C1QTNF2: variants seen among roughly 807,000 people sequenced by gnomAD.
The protein encoded by C1QTNF2 is C1q and TNF related 2.
In C1QTNF2, 15 loss-of-function variants were observed where a neutral mutation model predicts 17.4. The ratio of observed to expected loss-of-function variants is 0.86; its 90% confidence interval spans 0.58 to 1.33. The LOEUF (loss-of-function observed/expected upper bound fraction) is 1.33. Among genes scored for constraint, C1QTNF2 ranks in the 40% most tolerant of loss-of-function variants. The probability of loss-of-function intolerance (pLI) is 0.00; values close to 1 mark genes in which losing one functional copy is unlikely to be tolerated. For missense variants in C1QTNF2, 381 were observed against 392.3 expected (o/e 0.97, Z 0.24); for synonymous variants, 154 against 163.3 (o/e 0.94, Z 0.44).
At chr5:160,354,598 G>GTATGTATATATATATA (rs1763997628) in intron 2 of C1QTNF2, among the ~76,000 whole-genome samples, 170 bp downstream of exon 2, 1 of 30,886 alleles carries the variant, frequency 3.2e-5, no homozygotes, top group African/African-American at 1.2e-4. Context: ...AAAAAAAAAA[G>GTATGTATATATATATA]TATATATATA....
intron 1 of C1QTNF2, 83 bp downstream of exon 1, chr5:160,370,429 C>T: frequency 7.4e-7 from 1 of 1,352,498 alleles, no homozygotes; most frequent in Non-Finnish European, 9.5e-7. Flanking sequence ...CATCCCGCCC[C>T]GCCCGCAGCA....
At position 160,349,792 on chromosome 5, in the gene C1QTNF2, G is replaced by A; in HGVS notation, c.245-11C>T. The A allele has an allele frequency of 1.2e-5, 18 of 1,515,972 alleles. No individual in the cohort carries two copies. Among genetic ancestry groups the A allele is most frequent in the Non-Finnish European group, 1.6e-5 (18 of 1,143,320 alleles). The allele number at this position is 1,515,972 out of a possible 1,614,324, so 93.9% of individuals were successfully genotyped here. On this transcript the variant is annotated splice_polypyrimidine_tract_variant and intron_variant, in intron 2 of 2. Transcript: ENST00000652664. This position sits in a 1 kb window ranked among gnomAD's most constrained non-coding sequence, Gnocchi z 4.3. ...TCCGGCCAGGTGGACCTGGAAGACA[G>A]AGCAGCTGGTGTTATGGAGGGTCCT...
intron 1 of C1QTNF2, among the ~76,000 whole-genome samples, chr5:160,366,643 G>T (rs1348674822): frequency 6.6e-6 from 1 of 152,212 alleles, no homozygotes; most frequent in African/African-American, 2.4e-5. Flanking sequence ...AGAGGTACAG[G>T]ATTTCTACAG....
intron 1 of C1QTNF2, among the ~76,000 whole-genome samples, chr5:160,366,436 A>T (rs1764249052): frequency 6.6e-6 from 1 of 152,152 alleles, no homozygotes; most frequent in African/African-American, 2.4e-5. Context: ...ATGTCATGGG[A>T]GAAGGTTGCC....
intron 1 of C1QTNF2, among the ~76,000 whole-genome samples, chr5:160,357,907 G>C (rs975780373): frequency 6.6e-6 from 1 of 152,248 alleles, no homozygotes; most frequent in Admixed American, 6.5e-5. Context: ...GGACGAGAGA[G>C]AGGGAGAGAA....
At chr5:160,359,514 C>G (rs1283645126) in intron 1 of C1QTNF2, among the ~76,000 whole-genome samples, 1 of 152,218 alleles carries the variant, frequency 6.6e-6, no homozygotes, top group Non-Finnish European at 1.5e-5. Flanking sequence ...CCACACACAG[C>G]CATAGAGAAA....
rs375902344 is a variant in C1QTNF2 at position 160,354,799 on chromosome 5, G to A, written c.213C>T (p.His71=). The A allele has an allele frequency of 3.7e-4, 605 of 1,613,578 alleles. 9 individuals are homozygous for A. In the South Asian group the frequency reaches 6.2e-3, roughly 17 times the overall value. Residue 71 remains histidine (H), a synonymous_variant, in exon 2 of 3, where the codon CAC becomes CAT. Coordinates refer to ENST00000652664, the MANE Select transcript of C1QTNF2 (RefSeq NM_031908.6). Reference sequence around the variant, plus strand: ...CTCCGCTGTCCCCCCGGTCGCCGTCGTGTCCATCTTGGCCGTCTTTGCCAG... The same window carrying A: ...CTCCGCTGTCCCCCCGGTCGCCGTCATGTCCATCTTGGCCGTCTTTGCCAG... ...GFPGKDGQDG[H]DGDRGDSGEE... is the part of the protein sequence containing the mutation.
chr5:160,350,093 C>T (rs1187846459), intron 2 of C1QTNF2, among the ~76,000 whole-genome samples: 1 of 152,186 alleles, frequency 6.6e-6, no homozygotes, highest in African/African-American at 2.4e-5. Context: ...CTTCCATGGG[C>T]TGCGCTGGTA....
chr5:160,351,569 CT>C (rs1252332236), intron 2 of C1QTNF2, among the ~76,000 whole-genome samples: 1 of 151,978 alleles, frequency 6.6e-6, no homozygotes, highest in Non-Finnish European at 1.5e-5. Context: ...GAACAGAGTG[CT>C]TATGTTAAGT....
intron 1 of C1QTNF2, among the ~76,000 whole-genome samples, chr5:160,362,222 C>T (rs1373638582): frequency 1.3e-5 from 2 of 152,204 alleles, no homozygotes; most frequent in East Asian, 1.9e-4. Context: ...CTGGACCCAA[C>T]ATGTTGATGG....
At chr5:160,350,741 A>G (rs1275404243) in intron 2 of C1QTNF2, among the ~76,000 whole-genome samples, 1 of 151,000 alleles carries the variant, frequency 6.6e-6, no homozygotes, top group Admixed American at 6.6e-5. Context: ...AATGGAATCC[A>G]CAATGCCAAT....
chr5:160,354,705 C>T lies in C1QTNF2; in HGVS notation c.244+63G>A, dbSNP rs1489928997. On this transcript the variant is annotated intron_variant, in intron 2 of 2. Coordinates refer to ENST00000652664, the MANE Select transcript of C1QTNF2 (RefSeq NM_031908.6). ...TACTAGTTTTATTAACTTCATGATG[C>T]CCCCCACATGCCGGATGCTGTCAGC... 7 of 1,589,046 alleles carry T rather than the reference C, an allele frequency of 4.4e-6. No individual in the cohort carries two copies. In the South Asian group the frequency reaches 6.8e-5, roughly 15 times the overall value.
chr5:160,349,209 A>G lies in C1QTNF2; in HGVS notation c.817T>C (p.Phe273Leu), dbSNP rs1581030295. 6.2e-7 allele frequency: 1 copy of G among 1,614,072 alleles called. No homozygotes were observed. Among genetic ancestry groups the G allele is most frequent in the Non-Finnish European group, 8.5e-7 (1 of 1,179,996 alleles). ...PYWTDSLFTG[F>L]LIYADQDDPN... ...TCATCCTGGTCGGCATAGATTAGGAAGCCCGTAAAGAGGCTGTCTGTCCAG... is the reference window on the plus strand; with the variant it reads ...TCATCCTGGTCGGCATAGATTAGGAGGCCCGTAAAGAGGCTGTCTGTCCAG... Residue 273 changes from phenylalanine to leucine, a missense_variant, in exon 3 of 3, where the codon TTC becomes CTC. Transcript: ENST00000652664. This position sits in a 1 kb window ranked among gnomAD's most constrained non-coding sequence, Gnocchi z 4.3.
intron 2 of C1QTNF2, among the ~76,000 whole-genome samples, chr5:160,351,854 T>G (rs1763930367): frequency 7.1e-6 from 1 of 140,486 alleles, no homozygotes; most frequent in Non-Finnish European, 1.6e-5. Context: ...CTTGAAAAAA[T>G]GAAAATAAAC....
intron 2 of C1QTNF2, among the ~76,000 whole-genome samples, 176 bp downstream of exon 2, chr5:160,354,592 A>ATATAT (rs1561822717): frequency 2.2e-5 from 1 of 46,460 alleles, no homozygotes; most frequent in African/African-American, 7.3e-5. Context: ...GGGAAAAAAA[A>ATATAT]AAAAAGTATA....
At chr5:160,366,855 C>CAG (rs763226153) in intron 1 of C1QTNF2, among the ~76,000 whole-genome samples, 1 of 151,814 alleles carries the variant, frequency 6.6e-6, no homozygotes, top group Non-Finnish European at 1.5e-5. Context: ...AAAACCTCAT[C>CAG]TCTACAAAAA....
chr5:160,349,793 A>C lies in C1QTNF2; in HGVS notation c.245-12T>G, dbSNP rs749073227. ...CCGGCCAGGTGGACCTGGAAGACAG[A>C]GCAGCTGGTGTTATGGAGGGTCCTC... On this transcript the variant is annotated splice_polypyrimidine_tract_variant and intron_variant, in intron 2 of 2. Transcript: ENST00000652664. The surrounding 1 kb of genome is among the most constrained non-coding windows in gnomAD (Gnocchi z 4.3). 2.0e-6 allele frequency: 3 copies of C among 1,515,680 alleles called. No homozygotes were observed. Among genetic ancestry groups the C allele is most frequent in the Non-Finnish European group, 2.6e-6 (3 of 1,143,170 alleles). The allele number at this position is 1,515,680 out of a possible 1,614,324, so 93.9% of individuals were successfully genotyped here. A position where few individuals can be genotyped will look rare whatever the true frequency, so the allele number is the denominator to read the frequency against.
At chr5:160,364,466 ATTATT>A (rs1314618817) in intron 1 of C1QTNF2, among the ~76,000 whole-genome samples, 1 of 152,264 alleles carries the variant, frequency 6.6e-6, no homozygotes, top group Non-Finnish European at 1.5e-5. Context: ...ATTAGCTTCT[ATTATT>A]TTATTATTTC....
chr5:160,351,564 G>C (rs1199657129), intron 2 of C1QTNF2, among the ~76,000 whole-genome samples: 4 of 152,158 alleles, frequency 2.6e-5, no homozygotes, highest in Non-Finnish European at 1.5e-5. Flanking sequence ...TTCAGGAACA[G>C]AGTGCTTATG....
Sources: gnomAD v4.1 joint callset for allele counts (sites outside exome capture counted in the v4.1 genomes callset) on GRCh38, gnomAD v4.1.1 for gene constraint, Gnocchi (gnomAD v3.1) non-coding constraint, MANE v1.5 for transcripts, NCBI Gene and HGNC (gene_info 2026-07-23, HGNC 2026-07-21) for gene names.